Variants in MAP4K4 observed in about 807,000 individuals in gnomAD.
The protein encoded by MAP4K4 is HPK/GCK-like kinase HGK.
A neutral mutation model predicts 189.6 loss-of-function variants in MAP4K4; 38 were observed. The ratio of observed to expected loss-of-function variants is 0.20; its 90% CI spans 0.15 to 0.26. MAP4K4 has a LOEUF of 0.26. Ranked by LOEUF, MAP4K4 falls within the 10% of genes least tolerant of loss-of-function variation. The pLI is 1.00. For missense variants in MAP4K4, 1,054 were observed against 1,726.9 expected, an observed-to-expected ratio of 0.61 and a Z score of 6.91; for synonymous variants, 610 against 624.3, an observed-to-expected ratio of 0.98 and a Z score of 0.34.
chr2:101,713,951 AG>A (rs1399562307), intron 2 of MAP4K4, among the ~76,000 whole-genome samples: 2 of 152,130 alleles, frequency 1.3e-5, no homozygotes, highest in African/African-American at 4.8e-5. Context: ...ACAAATACCT[AG>A]GGGGTTTTTC....
chr2:101,887,355 G>C, intron 30 of MAP4K4, 118 bp downstream of exon 30: 2 of 1,034,184 alleles, frequency 1.9e-6, no homozygotes, highest in South Asian at 1.7e-5. Context: ...TGGTGTGGGG[G>C]TGAGTATTTA....
At chr2:101,753,419 CATT>C (rs1431380257) in intron 2 of MAP4K4, among the ~76,000 whole-genome samples, 1 of 152,196 alleles carries the variant, frequency 6.6e-6, no homozygotes, top group Non-Finnish European at 1.5e-5. Context: ...TAAACATTCT[CATT>C]GTGCTGCTTG....
At chr2:101,859,234 G>A (rs1328236182) in intron 14 of MAP4K4, among the ~76,000 whole-genome samples, 152 bp downstream of exon 14, 1 of 152,196 alleles carries the variant, frequency 6.6e-6, no homozygotes, top group Non-Finnish European at 1.5e-5. Context: ...CCTATTGCTA[G>A]CACATTGCAA....
intron 1 of MAP4K4, 40 bp from the exon 2 acceptor site, chr2:101,698,433 C>T (rs752146155): frequency 2.1e-5 from 32 of 1,545,378 alleles, no homozygotes; most frequent in Non-Finnish European, 2.5e-5. Context: ...ATTTTTTTGG[C>T]TTCTTTTAAA....
At chr2:101,733,958 G>A (rs184351102) in intron 2 of MAP4K4, among the ~76,000 whole-genome samples, 1 of 152,198 alleles carries the variant, frequency 6.6e-6, no homozygotes, top group African/African-American at 2.4e-5. Flanking sequence ...GACCTCAGAG[G>A]TTAGGGGATG....
chr2:101,737,454 TATATA>T (rs1168515729), intron 2 of MAP4K4, among the ~76,000 whole-genome samples: 37 of 37,394 alleles, frequency 9.9e-4, no homozygotes, highest in South Asian at 1.4e-3. Context: ...TATATATATA[TATATA>T]TATTTTTTTT....
chr2:101,773,149 C>T (rs2082283420), intron 2 of MAP4K4, among the ~76,000 whole-genome samples: 1 of 152,188 alleles, frequency 6.6e-6, no homozygotes, highest in Non-Finnish European at 1.5e-5. Context: ...TTGATTGTAG[C>T]ACTAGAGGCA....
At chr2:101,810,741 T>C (rs2095369110) in intron 3 of MAP4K4, among the ~76,000 whole-genome samples, 1 of 152,224 alleles carries the variant, frequency 6.6e-6, no homozygotes, top group South Asian at 2.1e-4. Flanking sequence ...TTCTAAGACT[T>C]ACAGAACTTT....
At chr2:101,728,905 T>C (rs1044061738) in intron 2 of MAP4K4, among the ~76,000 whole-genome samples, 6 of 152,198 alleles carry the variant, frequency 3.9e-5, no homozygotes, top group Non-Finnish European at 8.8e-5. Context: ...AGAAACTGAT[T>C]TATATTCAGA....
intron 2 of MAP4K4, among the ~76,000 whole-genome samples, chr2:101,747,855 A>T (rs1170398608): frequency 6.6e-6 from 1 of 152,208 alleles, no homozygotes; most frequent in Admixed American, 6.5e-5. Flanking sequence ...AAATGAATGG[A>T]AATACTAAGG....
chr2:101,708,290 GT>G (rs1365076095), intron 2 of MAP4K4, among the ~76,000 whole-genome samples: 10 of 152,174 alleles, frequency 6.6e-5, no homozygotes, highest in South Asian at 4.1e-4. Context: ...TTGCTCAGGT[GT>G]TTGTTTCTTT....
chr2:101,713,974 A>C (rs1315429820), intron 2 of MAP4K4, among the ~76,000 whole-genome samples: 2 of 152,186 alleles, frequency 1.3e-5, no homozygotes, highest in African/African-American at 4.8e-5. Context: ...TTTCATTTAC[A>C]ATCTGGAACC....
intron 2 of MAP4K4, among the ~76,000 whole-genome samples, chr2:101,751,375 A>T (rs1272028513): frequency 1.3e-5 from 2 of 152,186 alleles, no homozygotes; most frequent in Non-Finnish European, 2.9e-5. Flanking sequence ...CATGAGACTG[A>T]TCCTCTCCTG....
At chr2:101,697,944 C>G (rs1229168337) in exon 1 of MAP4K4, 1 of 284,138 alleles carries the variant, frequency 3.5e-6, no homozygotes, top group Non-Finnish European at 5.8e-6. Context: ...CGCCGCCGCC[C>G]GCGGCCCCGC....
At chr2:101,835,744 G>A (rs1362523665) in intron 8 of MAP4K4, among the ~76,000 whole-genome samples, 156 bp from the exon 9 acceptor site, 12 of 152,120 alleles carry the variant, frequency 7.9e-5, no homozygotes, top group African/African-American at 2.4e-5. Flanking sequence ...TTCAAGATAT[G>A]CCCTGGAGTT....
chr2:101,844,331 C>T lies in MAP4K4; in HGVS notation c.1233+20C>T, dbSNP rs1262779027. 1 of 1,548,816 alleles carries T rather than the reference C, an allele frequency of 6.5e-7. No homozygotes were observed. The highest frequency in any genetic ancestry group is 8.7e-7 in the Non-Finnish European group (1 of 1,145,014). ...GAAGAGGTAGCAAAAGGAAAATGTC[C>T]AAGTTGGTTGGTCTTTTCTCTTTCT... On this transcript the variant is annotated intron_variant, in intron 12 of 32. Coordinates refer to ENST00000324219, the Ensembl canonical transcript of MAP4K4.
intron 3 of MAP4K4, chr2:101,797,287 T>A: frequency 7.7e-7 from 1 of 1,290,870 alleles, no homozygotes; most frequent in Non-Finnish European, 1.0e-6. Context: ...TACAGCTTCG[T>A]ACTGGCTTCT....
chr2:101,776,363 A>T (rs1055534831), intron 2 of MAP4K4, among the ~76,000 whole-genome samples: 2 of 152,138 alleles, frequency 1.3e-5, no homozygotes, highest in Non-Finnish European at 2.9e-5. Flanking sequence ...ATTCTGAGCG[A>T]TAAGGCCTGT....
At chr2:101,735,551 C>G (rs911150089) in intron 2 of MAP4K4, among the ~76,000 whole-genome samples, 24 of 152,140 alleles carry the variant, frequency 1.6e-4, no homozygotes, top group Non-Finnish European at 2.5e-4. Flanking sequence ...TACTCTAAGT[C>G]ACTCTTCTTA....
Sources: allele counts gnomAD v4.1 joint callset (sites outside exome capture counted in the v4.1 genomes callset), GRCh38; gene constraint gnomAD v4.1.1; transcripts MANE v1.5; gene names NCBI Gene and HGNC (gene_info 2026-07-23, HGNC 2026-07-21).